CYP4Z1: variants seen among roughly 807,000 people sequenced by gnomAD.
The protein encoded by CYP4Z1 is cytochrome P450 4Z1.
Under a neutral mutation model 54.2 loss-of-function variants are expected in CYP4Z1, and 41 were observed. The ratio of observed to expected loss-of-function variants is 0.76; its 90% CI spans 0.59 to 0.98. CYP4Z1 has a LOEUF of 0.98. CYP4Z1 is among the 50% of genes least tolerant of loss of function. CYP4Z1 has a pLI of 0.00. For missense variants in CYP4Z1, 513 were observed against 599.0 expected (o/e 0.86, Z 1.50); for synonymous variants, 163 against 206.2 (o/e 0.79, Z 1.79).
chr1:47,073,648 A>G (rs1351668710), intron 2 of CYP4Z1, among the ~76,000 whole-genome samples: 1 of 152,262 alleles, frequency 6.6e-6, no homozygotes, highest in Non-Finnish European at 1.5e-5. Flanking sequence ...GGCCAAGACC[A>G]ATTTTATTTT....
intron 6 of CYP4Z1, among the ~76,000 whole-genome samples, chr1:47,085,431 T>C (rs1335609510): frequency 6.6e-6 from 1 of 152,196 alleles, no homozygotes; most frequent in African/African-American, 2.4e-5. Flanking sequence ...AGGACATAGA[T>C]AACTTTGAGG....
chr1:47,095,040 T>C (rs2148534765), intron 7 of CYP4Z1, among the ~76,000 whole-genome samples: 1 of 151,666 alleles, frequency 6.6e-6, no homozygotes, highest in African/African-American at 2.4e-5. Flanking sequence ...CTGATACATA[T>C]TGAACTTCCC....
intron 7 of CYP4Z1, among the ~76,000 whole-genome samples, chr1:47,098,334 T>C (rs951992297): frequency 1.3e-5 from 2 of 152,222 alleles, no homozygotes; most frequent in African/African-American, 2.4e-5. Flanking sequence ...GGTCCTTCAC[T>C]TCCCCTGTTA....
rs1323099354 is a variant in CYP4Z1 at position 47,118,097 on chromosome 1, T to A, written c.*163T>A. 1 of 754,452 alleles carries A rather than the reference T, an allele frequency of 1.3e-6. No homozygotes were observed. The highest frequency in any genetic ancestry group is 1.9e-6 in the Non-Finnish European group (1 of 514,148). 46.7% of individuals were successfully genotyped at this position (754,452 alleles called of 1,614,324 possible). A position where few individuals can be genotyped will look rare whatever the true frequency, so the allele number is the denominator to read the frequency against. ...ACATCCATTAACAGTAATTTTAATT[T>A]CTTTGCTGTATCTGGTGAAACCCAC... On this transcript the variant is annotated 3_prime_UTR_variant, in exon 12 of 12. Transcript: ENST00000334194.
chr1:47,067,790 AT>A, intron 1 of CYP4Z1, 123 bp downstream of exon 1: 2 of 879,758 alleles, frequency 2.3e-6, no homozygotes, highest in South Asian at 3.5e-5. Context: ...TCTCATTGTG[AT>A]TTTTACAAAA....
At chr1:47,063,825 T>C (rs1644435927), upstream of CYP4Z1, among the ~76,000 whole-genome samples, 1 of 152,090 alleles carries the variant, frequency 6.6e-6, no homozygotes, top group African/African-American at 2.4e-5. Flanking sequence ...TTTGAGGGAA[T>C]AATCAAGAAA....
At chr1:47,065,138 A>G (rs1644443012), upstream of CYP4Z1, among the ~76,000 whole-genome samples, 1 of 152,290 alleles carries the variant, frequency 6.6e-6, no homozygotes, top group South Asian at 2.1e-4. Context: ...ACAGAAAATC[A>G]ACACAGAAAC....
chr1:47,117,703 G>T (rs1210683158), intron 11 of CYP4Z1, 63 bp from the exon 12 acceptor site: 13 of 1,515,110 alleles, frequency 8.6e-6, no homozygotes, highest in Non-Finnish European at 1.2e-5. Flanking sequence ...AAAAAGATTG[G>T]CGTATGTTGT....
intron 9 of CYP4Z1, among the ~76,000 whole-genome samples, chr1:47,107,552 A>G (rs1011773405): frequency 2.0e-5 from 3 of 152,174 alleles, no homozygotes; most frequent in African/African-American, 7.2e-5. Context: ...AGTTGCTCCA[A>G]CAAAACAGCT....
chr1:47,114,850 A>T (rs1426209340), intron 9 of CYP4Z1, among the ~76,000 whole-genome samples: 7 of 152,336 alleles, frequency 4.6e-5, no homozygotes, highest in Non-Finnish European at 5.9e-5. Context: ...TGTTGGTGGG[A>T]CTGTAAACTA....
intron 6 of CYP4Z1, among the ~76,000 whole-genome samples, chr1:47,094,217 G>A (rs59244133): frequency 0.098 from 14,840 of 152,120 alleles, 782 homozygotes; most frequent in East Asian, 0.22. Context: ...TAAGCTCAGC[G>A]ATTGGTAACA....
chr1:47,099,085 AT>A lies in CYP4Z1; in HGVS notation c.877-3del, dbSNP rs780854440. Reference sequence around the variant, plus strand: ...AGCTTTGGATAAAGATCATCACTGTATTTTTTAGAGCGAAAACACCAAAGAT... The same window carrying A: ...AGCTTTGGATAAAGATCATCACTGTATTTTTAGAGCGAAAACACCAAAGAT... On this transcript the variant is annotated splice_region_variant and splice_polypyrimidine_tract_variant and intron_variant, in intron 7 of 11. Coordinates refer to ENST00000334194, the MANE Select transcript of CYP4Z1 (RefSeq NM_178134.3). 4.3e-6 allele frequency: 7 copies of A among 1,614,030 alleles called. No individual in the cohort carries two copies. The highest frequency in any genetic ancestry group is 5.9e-6 in the Non-Finnish European group (7 of 1,179,912).
chr1:47,101,564 T>TC (rs1407539947), intron 8 of CYP4Z1, among the ~76,000 whole-genome samples: 1 of 152,150 alleles, frequency 6.6e-6, no homozygotes, highest in Non-Finnish European at 1.5e-5. Context: ...TTTCTAGAGT[T>TC]CCTCTTATTA....
At chr1:47,073,052 G>A (rs1489084822) in intron 2 of CYP4Z1, among the ~76,000 whole-genome samples, 1 of 133,208 alleles carries the variant, frequency 7.5e-6, no homozygotes, top group African/African-American at 2.8e-5. Flanking sequence ...TTTTTCATCA[G>A]TCCAGACAGA....
upstream of CYP4Z1, among the ~76,000 whole-genome samples, chr1:47,062,452 C>T (rs1644429173): frequency 6.6e-6 from 1 of 152,248 alleles, no homozygotes; most frequent in Admixed American, 6.5e-5. Context: ...AGTTCTCAGC[C>T]CTGGTCACTG....
intron 9 of CYP4Z1, among the ~76,000 whole-genome samples, chr1:47,111,613 A>G (rs1207330836): frequency 1.3e-5 from 2 of 152,248 alleles, no homozygotes; most frequent in Non-Finnish European, 2.9e-5. Flanking sequence ...GATCTAAACA[A>G]TGTAATTAAT....
intron 9 of CYP4Z1, among the ~76,000 whole-genome samples, chr1:47,113,805 C>A (rs1284292634): frequency 6.6e-6 from 1 of 152,210 alleles, no homozygotes; most frequent in East Asian, 1.9e-4. Flanking sequence ...AGGATACAAA[C>A]AAATGGAAGA....
At chr1:47,060,470 C>T in the CYP4Z1 span, among the ~76,000 whole-genome samples, 2 of 141,896 alleles carry the variant, frequency 1.4e-5, no homozygotes, top group African/African-American at 2.6e-5. Context: ...TAAAGAAGGG[C>T]ATTACATCAA....
intron 6 of CYP4Z1, among the ~76,000 whole-genome samples, chr1:47,093,409 C>A (rs1644653748): frequency 6.6e-6 from 1 of 152,218 alleles, no homozygotes; most frequent in Admixed American, 6.5e-5. Flanking sequence ...CTTAGCTTAT[C>A]CACCTTGTGT....
Sources: gnomAD v4.1 joint callset for allele counts (sites outside exome capture counted in the v4.1 genomes callset) on GRCh38, gnomAD v4.1.1 for gene constraint, MANE v1.5 for transcripts, NCBI Gene and HGNC (gene_info 2026-07-23, HGNC 2026-07-21) for gene names.